ATP2B2: variants seen among roughly 807,000 people sequenced by gnomAD.
ATP2B2 encodes the protein plasma membrane calcium-transporting ATPase 2.
In ATP2B2, 15 loss-of-function variants were observed where a neutral mutation model predicts 120.0. That is an observed-to-expected ratio of 0.12 (90% CI 0.08 to 0.19). ATP2B2 has a LOEUF of 0.19. ATP2B2 is among the 10% of genes least tolerant of loss of function. The probability of loss-of-function intolerance (pLI) is 1.00; values close to 1 mark genes in which losing one functional copy is unlikely to be tolerated. For synonymous variants in ATP2B2, 694 were observed against 700.3 expected, an observed-to-expected ratio of 0.99 and a Z score of 0.14; for missense variants, 1,045 against 1,719.8, an observed-to-expected ratio of 0.61 and a Z score of 6.94.
rs1183509925 is a variant in ATP2B2, at chr3:10,402,693, G to T, written c.398-345C>A. ...TTAGCCCCTTCAGTTTTCTGCCTTG[G>T]TTCTAGCTGTGAGATCTTGGGCAAA... On this transcript the variant is annotated intron_variant, in intron 3 of 22. Coordinates refer to ENST00000360273, the MANE Select transcript of ATP2B2 (RefSeq NM_001001331.4). This position sits in a 1 kb window ranked among gnomAD's most constrained non-coding sequence, Gnocchi z 4.9. 6.6e-6 allele frequency among the ~76,000 whole-genome samples: 1 copy of T among 152,118 alleles called. No individual in the cohort carries two copies. Among genetic ancestry groups the T allele is most frequent in the African/African-American group, 2.4e-5 (1 of 41,410 alleles).
intron 2 of ATP2B2, among the ~76,000 whole-genome samples, chr3:10,574,117 T>C (rs1265004412): frequency 1.3e-5 from 2 of 152,220 alleles, no homozygotes; most frequent in Non-Finnish European, 2.9e-5. Flanking sequence ...TGTTAATTAA[T>C]TGCAGTGGGT....
intron 1 of ATP2B2, among the ~76,000 whole-genome samples, chr3:10,631,136 A>G (rs1442820487): frequency 6.6e-6 from 1 of 152,240 alleles, no homozygotes; most frequent in Non-Finnish European, 1.5e-5. Context: ...TCTGTAAAGT[A>G]TCATCTACCT....
chr3:10,367,738 G>A (rs558393027), intron 12 of ATP2B2, among the ~76,000 whole-genome samples: 6 of 152,262 alleles, frequency 3.9e-5, no homozygotes, highest in Non-Finnish European at 5.9e-5. Context: ...GGGTACTCTC[G>A]GCATGTGGCT....
In ATP2B2 at chr3:10,343,039, G is replaced by T; in HGVS notation, c.2704-74C>A. On this transcript the variant is annotated intron_variant, in intron 18 of 22. Coordinates refer to ENST00000360273, the MANE Select transcript of ATP2B2 (RefSeq NM_001001331.4). The surrounding 1 kb of genome is among the most constrained non-coding windows in gnomAD (Gnocchi z 4.2). ...GTGAAGTGCTGGGCGGGCTCATGGTGTAGTGTCCGCAGGCTCCTGCTGGAG... is the reference window on the plus strand; with the variant it reads ...GTGAAGTGCTGGGCGGGCTCATGGTTTAGTGTCCGCAGGCTCCTGCTGGAG... 6.7e-7 allele frequency: 1 copy of T among 1,500,214 alleles called. No homozygotes were observed. Among genetic ancestry groups the T allele is most frequent in the Admixed American group, 1.7e-5 (1 of 59,218 alleles). 92.9% of individuals were successfully genotyped at this position (1,500,214 alleles called of 1,614,324 possible). A position where few individuals can be genotyped will look rare whatever the true frequency, so the allele number is the denominator to read the frequency against.
intron 5 of ATP2B2, among the ~76,000 whole-genome samples, chr3:10,388,956 T>A (rs2061764831): frequency 6.6e-6 from 1 of 152,250 alleles, no homozygotes; most frequent in African/African-American, 2.4e-5. Flanking sequence ...TATGCCAATA[T>A]AATTGGTTTC....
At chr3:10,465,122 C>T (rs553045983) in intron 1 of ATP2B2, among the ~76,000 whole-genome samples, 1 of 152,348 alleles carries the variant, frequency 6.6e-6, no homozygotes, top group South Asian at 2.1e-4. Flanking sequence ...CCCCAAGCCT[C>T]CTCTCCCCTG....
chr3:10,486,260 C>T (rs1434323027), intron 1 of ATP2B2, among the ~76,000 whole-genome samples: 1 of 152,048 alleles, frequency 6.6e-6, no homozygotes, highest in African/African-American at 2.4e-5. Flanking sequence ...GTGCCTAGAA[C>T]TGTTGCAGGG....
chr3:10,628,884 A>C (rs1178274109), intron 1 of ATP2B2, among the ~76,000 whole-genome samples: 1 of 152,154 alleles, frequency 6.6e-6, no homozygotes, highest in Admixed American at 6.5e-5. Context: ...TGGTCACAAC[A>C]TTTTCACCAA....
intron 2 of ATP2B2, among the ~76,000 whole-genome samples, chr3:10,590,412 T>C (rs980122436): frequency 2.0e-5 from 3 of 152,256 alleles, no homozygotes; most frequent in Admixed American, 1.3e-4. Context: ...TTTTACTGTA[T>C]GAAAATTATT....
intron 2 of ATP2B2, among the ~76,000 whole-genome samples, chr3:10,602,127 C>G (rs1383996736): frequency 6.6e-6 from 1 of 152,178 alleles, no homozygotes; most frequent in Non-Finnish European, 1.5e-5. Context: ...TCGGAGCCCC[C>G]TCCCCACTTC....
At chr3:10,604,901 A>G (rs1486906449) in intron 2 of ATP2B2, among the ~76,000 whole-genome samples, 2 of 152,118 alleles carry the variant, frequency 1.3e-5, no homozygotes, top group Non-Finnish European at 2.9e-5. Context: ...TCCTCCATGT[A>G]CAGCTTTCCC....
chr3:10,337,523 C>T (rs242380), intron 22 of ATP2B2, among the ~76,000 whole-genome samples: 13,252 of 152,124 alleles, frequency 0.087, 646 homozygotes, highest in Middle Eastern at 0.16. Flanking sequence ...GGGGGAGGCG[C>T]GCAGGTGTGT....
intron 3 of ATP2B2, among the ~76,000 whole-genome samples, chr3:10,524,430 G>A (rs1183854257): frequency 5.9e-5 from 9 of 152,160 alleles, no homozygotes; most frequent in Admixed American, 6.5e-5. Flanking sequence ...GCACAGAGAG[G>A]TTAACTCACT....
chr3:10,693,157 C>G (rs1255947212), intron 1 of ATP2B2, among the ~76,000 whole-genome samples: 2 of 152,228 alleles, frequency 1.3e-5, no homozygotes, highest in South Asian at 2.1e-4. Flanking sequence ...ACCTGTGGAT[C>G]TAAGGCTTGA....
intron 2 of ATP2B2, among the ~76,000 whole-genome samples, chr3:10,596,542 T>A (rs1202731321): frequency 6.6e-6 from 1 of 152,218 alleles, no homozygotes; most frequent in African/African-American, 2.4e-5. Flanking sequence ...GCATGCCCCA[T>A]ATAACAGATG....
Position 10,410,795 on chromosome 3 carries a change from C to T in ATP2B2, c.220G>A (p.Asp74Asn). The stretch of plus-strand genomic sequence containing the variant: ...AAAATTTGCTTTCTCTTTTCCAGGT[C>T]TGGAGCGGTGCCCGGCAAACCTGTG... Reference protein sequence around the residue: ...PVEGLPGTAPDLEKRKQIFGQ... With the variant: ...PVEGLPGTAPNLEKRKQIFGQ... The change falls in exon 3 of 23, where the codon GAC becomes AAC. Residue 74 changes from aspartate (D) to asparagine (N), a missense_variant. Physicochemically the swap from Asp to Asn is conservative, Grantham distance 23 (BLOSUM62 1). Coordinates refer to ENST00000360273, the MANE Select transcript of ATP2B2 (RefSeq NM_001001331.4). 6.2e-7 allele frequency: 1 copy of T among 1,614,044 alleles called. No individual in the cohort carries two copies. The highest frequency in any genetic ancestry group is 2.2e-5 in the East Asian group (1 of 44,870).
At chr3:10,371,443 T>C (rs1288352098) in intron 12 of ATP2B2, among the ~76,000 whole-genome samples, 1 of 152,204 alleles carries the variant, frequency 6.6e-6, no homozygotes, top group East Asian at 1.9e-4. Flanking sequence ...CCAGCTTGAA[T>C]TGCTGACTCA....
chr3:10,618,691 C>A (rs897030936), intron 2 of ATP2B2, among the ~76,000 whole-genome samples: 1 of 152,166 alleles, frequency 6.6e-6, no homozygotes, highest in African/African-American at 2.4e-5. Context: ...TGGGGCCAAT[C>A]TGGTCAGATC....
Position 10,660,144 on chromosome 3 carries a change from G to A in ATP2B2, c.-459-40183C>T, listed in dbSNP as rs559860733. Among the ~76,000 whole-genome samples the A allele has an allele frequency of 1.9e-4, 29 of 152,170 alleles. 1 individual carries two copies. The highest frequency in any genetic ancestry group is 3.9e-4 in the African/African-American group (16 of 41,538). Reference sequence around the variant, plus strand: ...GCACTAAATGCCCATAAGAGAAATCGGGAAAGATCTAAAATCAACACCCTA... The same window carrying A: ...GCACTAAATGCCCATAAGAGAAATCAGGAAAGATCTAAAATCAACACCCTA... On this transcript the variant is annotated intron_variant, in intron 1 of 21. Coordinates refer to the ATP2B2 transcript ENST00000646379.
Sources: gnomAD v4.1 joint callset for allele counts (sites outside exome capture counted in the v4.1 genomes callset) on GRCh38, gnomAD v4.1.1 for gene constraint, Gnocchi (gnomAD v3.1) non-coding constraint, MANE v1.5 for transcripts, NCBI Gene and HGNC (gene_info 2026-07-23, HGNC 2026-07-21) for gene names.